The following RYR3 variants were observed in gnomAD, a reference collection of about 807,000 sequenced individuals.
RYR3 encodes ryanodine receptor 3.
Under a neutral mutation model 584.3 loss-of-function variants are expected in RYR3, and 207 were observed. The ratio of observed to expected loss-of-function variants is 0.35; its 90% CI spans 0.32 to 0.40. The LOEUF is 0.40. Among genes scored for constraint, RYR3 ranks in the 10% least tolerant of loss-of-function variants. The pLI, the probability that RYR3 is intolerant of heterozygous loss-of-function variation, is 1.00. For missense variants in RYR3, 5,616 were observed against 6,089.2 expected (o/e 0.92, Z 2.59); for synonymous variants, 2,416 against 2,248.5 (o/e 1.07, Z -2.11).
chr15:33,542,306 G>A (rs1397617931), intron 7 of RYR3, among the ~76,000 whole-genome samples: 1 of 152,100 alleles, frequency 6.6e-6, no homozygotes, highest in Non-Finnish European at 1.5e-5. Flanking sequence ...GGATATTGAT[G>A]GAAGGAGCCC....
At chr15:33,556,728 C>T (rs532032740) in intron 10 of RYR3, among the ~76,000 whole-genome samples, 6 of 152,188 alleles carry the variant, frequency 3.9e-5, no homozygotes, top group African/African-American at 1.4e-4. Flanking sequence ...TCTTGCCGTG[C>T]GGTGCCCCTT....
rs373100699 is a variant in RYR3, at chr15:33,650,061, A to G, written c.4142+826A>G. Among the ~76,000 whole-genome samples the G allele has an allele frequency of 2.0e-4, 30 of 152,290 alleles. No homozygotes were observed. In the East Asian group the frequency reaches 5.4e-3, roughly 27 times the overall value. On this transcript the variant is annotated intron_variant, in intron 31 of 103. Transcript: ENST00000634891. ...AGAGGTGAGTCACAGTCACTGTGTC[A>G]CGAGGGACCTGCAGCTGGTTAAGAG... is the stretch of plus-strand genomic sequence containing the variant.
At chr15:33,705,506 A>T (rs1320666467) in intron 42 of RYR3, among the ~76,000 whole-genome samples, 2 of 152,232 alleles carry the variant, frequency 1.3e-5, no homozygotes, top group African/African-American at 4.8e-5. Context: ...CTCTGTGTAT[A>T]CATAAGATAT....
intron 10 of RYR3, among the ~76,000 whole-genome samples, chr15:33,555,824 A>T (rs980716924): frequency 2.0e-5 from 3 of 152,186 alleles, no homozygotes; most frequent in African/African-American, 7.2e-5. Context: ...AGGCAGATGA[A>T]TCTGCTTCCC....
At chr15:33,440,871 A>G (rs1020597376) in intron 1 of RYR3, among the ~76,000 whole-genome samples, 1 of 152,116 alleles carries the variant, frequency 6.6e-6, no homozygotes, top group Admixed American at 6.5e-5. Context: ...TTCCAAGTAC[A>G]TAGACAGCAA....
intron 43 of RYR3, among the ~76,000 whole-genome samples, chr15:33,707,716 C>T (rs1014810837): frequency 6.6e-6 from 1 of 152,086 alleles, no homozygotes; most frequent in Admixed American, 6.5e-5. Context: ...TAGTTATAGT[C>T]CCTCTCTGTT....
intron 47 of RYR3, among the ~76,000 whole-genome samples, chr15:33,730,158 CTGT>C (rs1374366394): frequency 7.9e-6 from 1 of 126,088 alleles, no homozygotes; most frequent in Non-Finnish European, 1.8e-5. Flanking sequence ...TCTGCCACTG[CTGT>C]TGTTTTGAAC....
At chr15:33,804,673 G>A (rs1042916191) in intron 69 of RYR3, among the ~76,000 whole-genome samples, 4 of 152,172 alleles carry the variant, frequency 2.6e-5, no homozygotes, top group Non-Finnish European at 4.4e-5. Flanking sequence ...GTATTTTTTG[G>A]ATGTGGAACT....
intron 1 of RYR3, among the ~76,000 whole-genome samples, chr15:33,454,356 C>T (rs547261240): frequency 6.6e-6 from 1 of 152,202 alleles, no homozygotes; most frequent in African/African-American, 2.4e-5. Context: ...TACCTACTTT[C>T]CCCATACAGT....
rs1218044182 is a variant in RYR3, at chr15:33,821,350, G to C, written c.10896G>C (p.Gln3632His). 1 of 1,602,440 alleles carries C rather than the reference G, an allele frequency of 6.2e-7. No homozygotes were observed. Residue 3632 changes from glutamine (Q) to histidine (H), a missense_variant, in exon 79 of 104, where the codon CAG becomes CAC. Gln to His is a conservative substitution (Grantham distance 24, BLOSUM62 0). Around this residue, in one of 9 missense-constraint regions of RYR3, gnomAD observed 954 missense variants for 1,132.2 expected, o/e 0.84. Transcript: ENST00000634891. Reference sequence around the variant, plus strand: ...GTGGTGCTGCAGAGATGGTCCTTCAGATGATAAGCGCTAGCAAAGGTGATT... The same window carrying C: ...GTGGTGCTGCAGAGATGGTCCTTCACATGATAAGCGCTAGCAAAGGTGATT... ...HERGAAEMVL[Q>H]MISASKGEMS...
chr15:33,494,883 TAACAC>T (rs2051283237), intron 2 of RYR3, among the ~76,000 whole-genome samples: 1 of 152,194 alleles, frequency 6.6e-6, no homozygotes, highest in Non-Finnish European at 1.5e-5. Context: ...TAACAGCTCT[TAACAC>T]AAACAGGCAA....
chr15:33,577,871 T>TGACAAAAGTCTAATATCCA (rs1347080745), intron 12 of RYR3, among the ~76,000 whole-genome samples: 3 of 152,306 alleles, frequency 2.0e-5, no homozygotes, highest in Non-Finnish European at 2.9e-5. Context: ...TCTCTCCATC[T>TGACAAAAGTCTAATATCCA]GACAAAAGTC....
At chr15:33,851,144 C>G (rs899388388) in intron 94 of RYR3, 6 of 152,118 alleles carry the variant, frequency 3.9e-5, no homozygotes, top group African/African-American at 1.4e-4. Context: ...ATTTTCCTGA[C>G]AGTAGATATT....
intron 34 of RYR3, 26 bp downstream of exon 34, chr15:33,660,449 G>T: frequency 3.1e-5 from 46 of 1,494,924 alleles, no homozygotes; most frequent in Non-Finnish European, 4.1e-5. Flanking sequence ...GCGAAGGAAG[G>T]GGCAGGCCTG....
Position 33,859,744 on chromosome 15 carries a change from A to G in RYR3, c.14299+13A>G. ...GCCATCATTCAAGGTATGATTGCCAATTGTGTTGAGTATGAACAGGGTTTA... is the reference window on the plus strand; with the variant it reads ...GCCATCATTCAAGGTATGATTGCCAGTTGTGTTGAGTATGAACAGGGTTTA... On this transcript the variant is annotated intron_variant, in intron 100 of 103. Transcript: ENST00000634891. 1.3e-6 allele frequency: 2 copies of G among 1,599,856 alleles called. No homozygotes were observed. The highest frequency in any genetic ancestry group is 8.5e-7 in the Non-Finnish European group (1 of 1,172,082).
At chr15:33,581,918 A>T (rs998830026) in intron 14 of RYR3, among the ~76,000 whole-genome samples, 1 of 152,150 alleles carries the variant, frequency 6.6e-6, no homozygotes, top group Admixed American at 6.5e-5. Context: ...CTTACCTTTC[A>T]TGAGGAAACG....
At chr15:33,660,976 T>A (rs2063127583) in intron 34 of RYR3, among the ~76,000 whole-genome samples, 1 of 152,222 alleles carries the variant, frequency 6.6e-6, no homozygotes, top group Non-Finnish European at 1.5e-5. Context: ...TGGTACAGTT[T>A]CTGTACATAG....
rs988910275 is a variant in RYR3 at position 33,844,803 on chromosome 15, G to A, written c.13297-59G>A. 8 of 1,413,702 alleles carry A rather than the reference G, an allele frequency of 5.7e-6. No homozygotes were observed. In the African/African-American group the frequency reaches 9.9e-5, roughly 17 times the overall value. 87.6% of individuals were successfully genotyped at this position (1,413,702 alleles called of 1,614,324 possible). A position where few individuals can be genotyped will look rare whatever the true frequency, so the allele number is the denominator to read the frequency against. On this transcript the variant is annotated intron_variant, in intron 92 of 103. Coordinates refer to ENST00000634891, the MANE Select transcript of RYR3 (RefSeq NM_001036.6). ...GCTAACAATATAAAATATGTGGGGA[G>A]AGCCCAATGGCTGAGGTTCTTTTTG...
At chr15:33,593,875 T>C (rs2059250114) in intron 16 of RYR3, among the ~76,000 whole-genome samples, 1 of 152,220 alleles carries the variant, frequency 6.6e-6, no homozygotes, top group Non-Finnish European at 1.5e-5. Flanking sequence ...GTTTGCTTTA[T>C]TATACTTGGC....
Sources: allele counts gnomAD v4.1 joint callset (sites outside exome capture counted in the v4.1 genomes callset), GRCh38; gene constraint gnomAD v4.1.1; regional missense constraint gnomAD v4.1.1; transcripts MANE v1.5; gene names NCBI Gene and HGNC (gene_info 2026-07-23, HGNC 2026-07-21).